PSMD14: variants seen among roughly 807,000 people sequenced by gnomAD.
PSMD14 encodes proteasome 26S subunit, non-ATPase 14.
A neutral mutation model predicts 41.2 loss-of-function variants in PSMD14; 7 were observed. The ratio of observed to expected loss-of-function variants is 0.17; its 90% CI spans 0.10 to 0.32. The LOEUF (loss-of-function observed/expected upper bound fraction) is 0.32. Ranked by LOEUF, PSMD14 falls within the 10% of genes least tolerant of loss-of-function variation. The pLI is 1.00. For missense variants in PSMD14, 139 were observed against 375.6 expected (o/e 0.37, Z 5.21); for synonymous variants, 114 against 122.3 (o/e 0.93, Z 0.45).
chr2:161,393,839 C>T (rs1683750207), intron 9 of PSMD14, among the ~76,000 whole-genome samples: 1 of 151,946 alleles, frequency 6.6e-6, no homozygotes, highest in Admixed American at 6.6e-5. Flanking sequence ...AACTTGAAAA[C>T]TTAGGAACAT....
intron 10 of PSMD14, among the ~76,000 whole-genome samples, chr2:161,403,259 T>TA (rs1386507652): frequency 2.0e-5 from 3 of 152,146 alleles, no homozygotes; most frequent in Admixed American, 2.0e-4. Context: ...GATGGACCTC[T>TA]AAAACATGGT....
At chr2:161,397,093 G>T (rs936868683) in intron 10 of PSMD14, among the ~76,000 whole-genome samples, 1 of 152,134 alleles carries the variant, frequency 6.6e-6, no homozygotes. Flanking sequence ...GCCTCCCAAA[G>T]TGCTGGGATT....
intron 10 of PSMD14, chr2:161,408,111 A>G (rs1382360733): frequency 6.6e-6 from 1 of 152,092 alleles, no homozygotes; most frequent in Admixed American, 6.6e-5. Context: ...AGTAGTGGAA[A>G]GTGGTTTTCA....
At chr2:161,332,005 T>G (rs1172218161) in intron 3 of PSMD14, among the ~76,000 whole-genome samples, 2 of 152,234 alleles carry the variant, frequency 1.3e-5, no homozygotes, top group East Asian at 3.8e-4. Context: ...TTTCTTTAGG[T>G]AGATAAAATG....
chr2:161,341,312 G>C (rs1228366647), intron 3 of PSMD14: 3 of 1,017,964 alleles, frequency 2.9e-6, no homozygotes, highest in Middle Eastern at 4.9e-4. Flanking sequence ...CCAGCAGCTC[G>C]GCCGGCGCCT....
intron 3 of PSMD14, chr2:161,341,069 A>G: frequency 6.4e-7 from 1 of 1,550,396 alleles, no homozygotes; most frequent in Non-Finnish European, 8.7e-7. Flanking sequence ...CCGGTCCCGC[A>G]GGCTCCCCGA....
intron 7 of PSMD14, among the ~76,000 whole-genome samples, chr2:161,378,988 TTG>T (rs1471906734): frequency 6.6e-6 from 1 of 152,002 alleles, no homozygotes; most frequent in Admixed American, 6.6e-5. Context: ...TGGATATACT[TTG>T]TATTTTTGTT....
chr2:161,327,986 GA>G (rs1268434906), intron 3 of PSMD14, among the ~76,000 whole-genome samples: 25 of 148,330 alleles, frequency 1.7e-4, no homozygotes, highest in South Asian at 4.3e-4. Context: ...GTGTGTGTGA[GA>G]TGTTGGTTAG....
In PSMD14 at chr2:161,331,266, T is replaced by A. The variant is rs186242556; in HGVS notation, c.48+12393T>A. Among the ~76,000 whole-genome samples the A allele has an allele frequency of 5.9e-3, 890 of 152,032 alleles. 11 individuals are homozygous for A. Among genetic ancestry groups the A allele is most frequent in the African/African-American group, 0.02 (850 of 41,466 alleles). On this transcript the variant is annotated intron_variant, in intron 3 of 11. Transcript: ENST00000409682. ...TAGATGATGTCTTTGGAATTTTTTT[T>A]TTTTTTTTATTTTTAAGACGGAGTC...
At chr2:161,379,110 T>C (rs1477625983) in intron 7 of PSMD14, among the ~76,000 whole-genome samples, 1 of 152,014 alleles carries the variant, frequency 6.6e-6, no homozygotes, top group Non-Finnish European at 1.5e-5. Flanking sequence ...TAGGGCCCTT[T>C]ATTGCTTTGC....
intron 7 of PSMD14, chr2:161,384,772 C>A (rs2105263841): frequency 6.6e-6 from 1 of 151,862 alleles, no homozygotes; most frequent in African/African-American, 2.4e-5. Flanking sequence ...TCTGTACACA[C>A]AAAAAGAATA....
chr2:161,389,629 C>G (rs1574139006), intron 8 of PSMD14, among the ~76,000 whole-genome samples: 1 of 151,930 alleles, frequency 6.6e-6, no homozygotes, highest in Non-Finnish European at 1.5e-5. Context: ...TTAAAGTACT[C>G]ATCTAAAATA....
intron 8 of PSMD14, among the ~76,000 whole-genome samples, chr2:161,389,370 A>C (rs1426727152): frequency 6.6e-6 from 1 of 152,158 alleles, no homozygotes; most frequent in Non-Finnish European, 1.5e-5. Flanking sequence ...CTAATTCTCT[A>C]CCAGGCTGAT....
intron 3 of PSMD14, among the ~76,000 whole-genome samples, chr2:161,366,674 G>C (rs1289553042): frequency 6.6e-6 from 1 of 152,056 alleles, no homozygotes; most frequent in Non-Finnish European, 1.5e-5. Flanking sequence ...AAGCTTTTTA[G>C]GTGCACTAAT....
intron 3 of PSMD14, among the ~76,000 whole-genome samples, chr2:161,360,029 C>G (rs1291791119): frequency 1.3e-5 from 2 of 151,822 alleles, no homozygotes; most frequent in Non-Finnish European, 2.9e-5. Context: ...ATCTATCACA[C>G]ATTTGAAAAA....
intron 3 of PSMD14, among the ~76,000 whole-genome samples, chr2:161,363,368 G>A (rs551355458): frequency 6.6e-6 from 1 of 152,242 alleles, no homozygotes; most frequent in African/African-American, 2.4e-5. Context: ...GGGACATCTA[G>A]AAATTTATAT....
intron 11 of PSMD14, among the ~76,000 whole-genome samples, chr2:161,409,155 C>T (rs967204144): frequency 6.6e-6 from 1 of 151,688 alleles, no homozygotes; most frequent in Non-Finnish European, 1.5e-5. Context: ...ACACTTGTAT[C>T]CTGAATTAAT....
rs1482297989 is a variant in PSMD14 at position 161,408,933 on chromosome 2, A to G, written c.834+34A>G. 4 of 1,529,664 alleles carry G rather than the reference A, an allele frequency of 2.6e-6. No homozygotes were observed. The South Asian group carries it at 3.5e-5, about 13-fold the overall frequency. The allele number at this position is 1,529,664 out of a possible 1,614,324, so 94.8% of individuals were successfully genotyped here. Reference sequence around the variant, plus strand: ...TACTGTTAATAAGTTATGCAGTTGCATAATAACATGTTCTTATAGAGTTAA... The same window carrying G: ...TACTGTTAATAAGTTATGCAGTTGCGTAATAACATGTTCTTATAGAGTTAA... On this transcript the variant is annotated intron_variant, in intron 11 of 11. Coordinates refer to ENST00000409682, the MANE Select transcript of PSMD14 (RefSeq NM_005805.6).
chr2:161,371,933 G>T (rs1432304288), intron 7 of PSMD14, among the ~76,000 whole-genome samples: 2 of 150,956 alleles, frequency 1.3e-5, no homozygotes, highest in African/African-American at 4.9e-5. Flanking sequence ...TTCTTGTTTA[G>T]TTCTCTTTCT....
Sources: gnomAD v4.1 joint callset for allele counts (sites outside exome capture counted in the v4.1 genomes callset) on GRCh38, gnomAD v4.1.1 for gene constraint, MANE v1.5 for transcripts, NCBI Gene and HGNC (gene_info 2026-07-23, HGNC 2026-07-21) for gene names.